The following ZNF778 variants were observed in gnomAD, a reference collection of about 807,000 sequenced individuals.
ZNF778 encodes zinc finger protein 778.
In ZNF778, 37 loss-of-function variants were observed where a neutral mutation model predicts 23.9. The ratio of observed to expected loss-of-function variants is 1.54; its 90% CI spans 1.19 to 2.03. The LOEUF is 2.03. Among genes scored for constraint, ZNF778 ranks in the 30% most tolerant of loss-of-function variants. The pLI, the probability that ZNF778 is intolerant of heterozygous loss-of-function variation, is 0.00. For missense variants in ZNF778, 1,297 were observed against 934.4 expected (o/e 1.39, Z -5.06); for synonymous variants, 483 against 343.9 (o/e 1.40, Z -4.48).
chr16:89,218,253 C>G (rs541993572), intron 1 of ZNF778: 2 of 152,324 alleles, frequency 1.3e-5, no homozygotes, highest in East Asian at 1.9e-4. Context: ...AAATCTGAAT[C>G]TAATAAAAAT....
At position 89,227,171 on chromosome 16, in the gene ZNF778, T is replaced by A; in HGVS notation, c.883T>A (p.Tyr295Asn). 1 of 1,613,970 alleles carries A rather than the reference T, an allele frequency of 6.2e-7. No individual in the cohort carries two copies. Among genetic ancestry groups the A allele is most frequent in the Non-Finnish European group, 8.5e-7 (1 of 1,179,870 alleles). ...ECGKAFRYTA[Y>N]LTGRVQVHPG... is the part of the protein sequence containing the mutation. The stretch of plus-strand genomic sequence containing the variant: ...TGGGAAGGCCTTTAGGTACACTGCC[T>A]ACCTTACTGGTCGCGTGCAAGTCCA... Residue 295 changes from tyrosine (Y) to asparagine (N), a missense_variant, in exon 7 of 7, where the codon TAC becomes AAC. Coordinates refer to ENST00000433976, the MANE Select transcript of ZNF778 (RefSeq NM_001201407.2).
chr16:89,221,966 C>T (rs2151629956), intron 2 of ZNF778, 126 bp from the exon 3 acceptor site: 4 of 581,432 alleles, frequency 6.9e-6, no homozygotes, highest in Non-Finnish European at 9.1e-6. Context: ...TGTGTGTGTG[C>T]GTTTTCCTGA....
chr16:89,226,795 A>C lies in ZNF778; in HGVS notation c.507A>C (p.Thr169=), dbSNP rs780769690. 2 of 1,614,032 alleles carry C rather than the reference A, an allele frequency of 1.2e-6. No individual in the cohort carries two copies. Among genetic ancestry groups the C allele is most frequent in the Non-Finnish European group, 1.7e-6 (2 of 1,179,892 alleles). ...GLSTHVRTQN[T]GDSCVSNHYE... ...GCACACACGTGAGAACTCAAAATAC[A>C]GGAGACAGTTGTGTGTCTAATCATT... Residue 169 remains threonine (T), a synonymous_variant, in exon 7 of 7, where the codon ACA becomes ACC. Coordinates refer to ENST00000433976, the MANE Select transcript of ZNF778 (RefSeq NM_001201407.2).
intron 2 of ZNF778, among the ~76,000 whole-genome samples, chr16:89,221,583 C>CTGTGTGTGTG (rs35503385): frequency 5.0e-5 from 7 of 141,410 alleles, no homozygotes; most frequent in Non-Finnish European, 7.7e-5. Context: ...CACTGTATGG[C>CTGTGTGTGTG]TGTGTGTGTG....
At chr16:89,223,341 C>T in intron 4 of ZNF778, 58 bp downstream of exon 4, 2 of 1,607,128 alleles carry the variant, frequency 1.2e-6, no homozygotes, top group Admixed American at 3.5e-5. Flanking sequence ...TGTGTCCTTA[C>T]TGTGTTCCAG....
Position 89,224,744 on chromosome 16 carries a change from G to A in ZNF778, c.270G>A (p.Val90=), listed in dbSNP as rs1157440340. ...GACATCACCTGTTCCAACCCAGTGT[G>A]ATCTATTGGCTGGAGCAGGAAGAGG... The part of the protein sequence containing the change: ...SVGHHLFQPS[V]IYWLEQEEEL... The change falls in exon 5 of 7, where the codon GTG becomes GTA. Residue 90 remains valine (V), a synonymous_variant. Transcript: ENST00000433976. The A allele has an allele frequency of 6.5e-7, 1 of 1,535,616 alleles. No individual in the cohort carries two copies. The highest frequency in any genetic ancestry group is 1.4e-5 in the African/African-American group (1 of 73,066).
Position 89,227,423 on chromosome 16 carries a change from C to A in ZNF778, c.1135C>A (p.Leu379Ile). 6.2e-7 allele frequency: 1 copy of A among 1,613,780 alleles called. No individual in the cohort carries two copies. Among genetic ancestry groups the A allele is most frequent in the Non-Finnish European group, 8.5e-7 (1 of 1,179,840 alleles). ...DCGKACGGFY[L>I]LNEHGKTHTR... is the part of the protein sequence containing the mutation. ...TGGGAAAGCCTGCGGTGGGTTTTAT[C>A]TACTGAATGAGCATGGAAAAACTCA... Residue 379 changes from leucine (L) to isoleucine (I), a missense_variant, in exon 7 of 7, where the codon CTA becomes ATA. Leu to Ile is a conservative substitution (Grantham distance 5). Transcript: ENST00000433976.
chr16:89,232,498 C>G lies in ZNF778; in HGVS notation c.*3936C>G. 1.8e-6 allele frequency: 1 copy of G among 545,934 alleles called. No homozygotes were observed. The highest frequency in any genetic ancestry group is 2.0e-5 in the South Asian group (1 of 49,008). 33.8% of individuals were successfully genotyped at this position (545,934 alleles called of 1,614,324 possible). A position where few individuals can be genotyped will look rare whatever the true frequency, so the allele number is the denominator to read the frequency against. On this transcript the variant is annotated 3_prime_UTR_variant, in exon 7 of 7. Transcript: ENST00000433976. ...ACTGCAAGTACTGGTTAGGCAGATA[C>G]CTGTATTTCTCTTCCTAACTCTCAG...
rs1360700342 is a variant in ZNF778, at chr16:89,229,859, T to G, written c.*1297T>G. 1.0e-6 allele frequency: 1 copy of G among 983,962 alleles called. No homozygotes were observed. Among genetic ancestry groups the G allele is most frequent in the East Asian group, 1.1e-4 (1 of 8,752 alleles). The allele number at this position is 983,962 out of a possible 1,614,324, so 61.0% of individuals were successfully genotyped here. On this transcript the variant is annotated 3_prime_UTR_variant, in exon 7 of 7. Coordinates refer to ENST00000433976, the MANE Select transcript of ZNF778 (RefSeq NM_001201407.2). ...TGTGAGCAGCGTAGGCTCTGGTTGG[T>G]TAGTCTTGAGGATCCAGATGTGATC...
chr16:89,233,355 C>T lies in ZNF778; in HGVS notation c.*4793C>T, dbSNP rs1396218170. Reference sequence around the variant, plus strand: ...TGCGTATGCAACTCAGCTCGCACTGCGTATGCAACTCGCACTGCGTATGCA... The same window carrying T: ...TGCGTATGCAACTCAGCTCGCACTGTGTATGCAACTCGCACTGCGTATGCA... On this transcript the variant is annotated 3_prime_UTR_variant, in exon 7 of 7. Coordinates refer to ENST00000433976, the MANE Select transcript of ZNF778 (RefSeq NM_001201407.2). 3.2e-6 allele frequency: 4 copies of T among 1,260,520 alleles called. No homozygotes were observed. Among genetic ancestry groups the T allele is most frequent in the Non-Finnish European group, 4.1e-6 (4 of 973,344 alleles). The allele number at this position is 1,260,520 out of a possible 1,614,324, so 78.1% of individuals were successfully genotyped here.
At position 89,226,774 on chromosome 16, in the gene ZNF778, A is replaced by G. The variant is rs2031506520; in HGVS notation, c.486A>G (p.Thr162=). The part of the protein sequence containing the change: ...EAFSEHSGLS[T]HVRTQNTGDS... Reference sequence around the variant, plus strand: ...TCAGTGAACACTCAGGCCTCAGCACACACGTGAGAACTCAAAATACAGGAG... The same window carrying G: ...TCAGTGAACACTCAGGCCTCAGCACGCACGTGAGAACTCAAAATACAGGAG... Residue 162 remains threonine, a synonymous_variant, in exon 7 of 7, where the codon ACA becomes ACG. Coordinates refer to ENST00000433976, the MANE Select transcript of ZNF778 (RefSeq NM_001201407.2). The G allele has an allele frequency of 6.2e-7, 1 of 1,613,912 alleles. No individual in the cohort carries two copies. Among genetic ancestry groups the G allele is most frequent in the Non-Finnish European group, 8.5e-7 (1 of 1,179,904 alleles).
At position 89,229,149 on chromosome 16, in the gene ZNF778, C is replaced by T. The variant is rs2031761414; in HGVS notation, c.*587C>T. The T allele has an allele frequency of 1.0e-6, 1 of 985,958 alleles. No homozygotes were observed. Among genetic ancestry groups the T allele is most frequent in the East Asian group, 1.1e-4 (1 of 8,842 alleles). The allele number at this position is 985,958 out of a possible 1,614,324, so 61.1% of individuals were successfully genotyped here. A position where few individuals can be genotyped will look rare whatever the true frequency, so the allele number is the denominator to read the frequency against. ...CCTCCAGTCTGGTTGCTACAGTGTC[C>T]ACGTCGCAGCCTGGCTAACAGTAGG... On this transcript the variant is annotated 3_prime_UTR_variant, in exon 7 of 7. Transcript: ENST00000433976.
chr16:89,225,846 G>A (rs1056343151), intron 6 of ZNF778, among the ~76,000 whole-genome samples: 1 of 152,008 alleles, frequency 6.6e-6, no homozygotes, highest in African/African-American at 2.4e-5. Flanking sequence ...CACACATGAC[G>A]AGGTCTTGAG....
chr16:89,230,235 C>A lies in ZNF778; in HGVS notation c.*1673C>A, dbSNP rs1012351143. ...CAAGGAGGGGCAGAGTGGAGAGGGG[C>A]GAGGTCTGTACCCTGAGATGCCCCC... On this transcript the variant is annotated 3_prime_UTR_variant, in exon 7 of 7. Transcript: ENST00000433976. 1 of 253,014 alleles carries A rather than the reference C, an allele frequency of 4.0e-6. No individual in the cohort carries two copies. The highest frequency in any genetic ancestry group is 6.2e-6 in the Non-Finnish European group (1 of 160,456). The allele number at this position is 253,014 out of a possible 1,614,324, so 15.7% of individuals were successfully genotyped here.
rs80231842 is a variant in ZNF778 at position 89,227,116 on chromosome 16, C to A, written c.828C>A (p.Ala276=). 1 of 1,613,990 alleles carries A rather than the reference C, an allele frequency of 6.2e-7. No individual in the cohort carries two copies. The highest frequency in any genetic ancestry group is 1.7e-5 in the Admixed American group (1 of 60,014). The change falls in exon 7 of 7, where the codon GCC becomes GCA. Residue 276 remains alanine, a synonymous_variant. Transcript: ENST00000433976. ...GCGCCACACCTGTTGAAATGCATGC[C>A]GTCAGGAATCCCCACGTATGTAGGG... is the stretch of plus-strand genomic sequence containing the variant. ...MGCATPVEMH[A]VRNPHVCREC...
rs761199398 is a variant in ZNF778 at position 89,227,731 on chromosome 16, T to G, written c.1443T>G (p.Asp481Glu). The G allele has an allele frequency of 6.2e-7, 1 of 1,613,102 alleles. No individual in the cohort carries two copies. The highest frequency in any genetic ancestry group is 2.2e-5 in the East Asian group (1 of 44,770). ...HTGEKPYECK[D>E]CGKSFTVSSS... is the part of the protein sequence containing the mutation. The stretch of plus-strand genomic sequence containing the variant: ...GAGAGAAACCATATGAATGTAAAGA[T>G]TGTGGGAAATCCTTCACTGTTTCTT... The change falls in exon 7 of 7, where the codon GAT becomes GAG. Residue 481 changes from aspartate to glutamate, a missense_variant. Asp to Glu is a conservative substitution (Grantham distance 45). Transcript: ENST00000433976.
rs1030521044 is a variant in ZNF778, at chr16:89,219,596, A to G, written c.-131-1401A>G. Among the ~76,000 whole-genome samples, 4 of 152,180 alleles carry G rather than the reference A, an allele frequency of 2.6e-5. No homozygotes were observed. In the East Asian group the frequency reaches 5.8e-4, roughly 22 times the overall value. ...GGGTGTAGATTTACTCTGAAATCCC[A>G]GAGGGTTGTGCTCTGAGTCTTATCA... is the stretch of plus-strand genomic sequence containing the variant. On this transcript the variant is annotated intron_variant, in intron 1 of 6. Transcript: ENST00000433976.
intron 1 of ZNF778, among the ~76,000 whole-genome samples, chr16:89,219,946 C>G (rs369808892): frequency 2.0e-5 from 3 of 152,210 alleles, no homozygotes; most frequent in South Asian, 2.1e-4. Flanking sequence ...ACTATGGCCC[C>G]TGAATCACAA....
chr16:89,233,671 T>C lies in ZNF778; in HGVS notation c.*5109T>C. 2 of 1,286,008 alleles carry C rather than the reference T, an allele frequency of 1.6e-6. No homozygotes were observed. The highest frequency in any genetic ancestry group is 2.5e-5 in the South Asian group (2 of 80,126). The allele number at this position is 1,286,008 out of a possible 1,614,324, so 79.7% of individuals were successfully genotyped here. On this transcript the variant is annotated 3_prime_UTR_variant, in exon 7 of 7. Transcript: ENST00000433976. ...TCTGCATATGCAATTCAACTCGCAC[T>C]GCGTATGCAAATCAACTTACTGCAT...
Sources: allele counts gnomAD v4.1 joint callset (sites outside exome capture counted in the v4.1 genomes callset), GRCh38; gene constraint gnomAD v4.1.1; transcripts MANE v1.5; gene names NCBI Gene and HGNC (gene_info 2026-07-23, HGNC 2026-07-21).